Variants in CDH18 observed in about 807,000 individuals in gnomAD.
CDH18 encodes cadherin 18.
A neutral mutation model predicts 67.9 loss-of-function variants in CDH18; 31 were observed. The ratio of observed to expected loss-of-function variants is 0.46; its 90% CI spans 0.34 to 0.62. The LOEUF is 0.62. Ranked by LOEUF, CDH18 falls within the 20% of genes least tolerant of loss-of-function variation. The pLI is 0.01. For synonymous variants in CDH18, 362 were observed against 347.2 expected (o/e 1.04, Z -0.48); for missense variants, 890 against 975.5 (o/e 0.91, Z 1.17).
Position 19,473,567 on chromosome 5 carries a change from T to A in CDH18, c.2032A>T (p.Asn678Tyr), listed in dbSNP as rs767879940. 1.9e-6 allele frequency: 3 copies of A among 1,613,740 alleles called. No individual in the cohort carries two copies. In the African/African-American group the frequency reaches 4.0e-5, roughly 22 times the overall value. ...TEAFDITALR[N>Y]PSAAEELKYR... ...TTGAGCTCCTCAGCAGCAGAAGGAT[T>A]CCTCAAGGCTGTGATGTCAAAGGCC... The change falls in exon 13 of 13, where the codon AAT (asparagine) becomes TAT (tyrosine). Residue 678 changes from asparagine (N) to tyrosine (Y), a missense_variant. This residue lies in a region of CDH18 where 656 missense variants were observed against 668.1 expected (regional missense o/e 0.98). Coordinates refer to ENST00000382275, the MANE Select transcript of CDH18 (RefSeq NM_004934.5).
chr5:20,150,727 T>G (rs138147638), intron 2 of CDH18, among the ~76,000 whole-genome samples: 1 of 152,042 alleles, frequency 6.6e-6, no homozygotes, highest in Non-Finnish European at 1.5e-5. Flanking sequence ...CTACCATAGA[T>G]AGATCCATTA....
At chr5:19,479,159 C>G (rs1416531741) in intron 12 of CDH18, among the ~76,000 whole-genome samples, 1 of 152,034 alleles carries the variant, frequency 6.6e-6, no homozygotes, top group African/African-American at 2.4e-5. Context: ...GAAATAGAAA[C>G]AAGAAAAACT....
At chr5:19,921,514 T>G (rs1342883141) in intron 2 of CDH18, among the ~76,000 whole-genome samples, 8 of 138,980 alleles carry the variant, frequency 5.8e-5, no homozygotes, top group African/African-American at 8.5e-5. Context: ...CTGGGCAACA[T>G]AGCGAGACTC....
At chr5:20,126,661 T>C (rs896801882) in intron 2 of CDH18, among the ~76,000 whole-genome samples, 4 of 152,170 alleles carry the variant, frequency 2.6e-5, no homozygotes, top group African/African-American at 9.7e-5. Flanking sequence ...AGGACTCAAA[T>C]AGACATTTCT....
At chr5:20,367,647 T>A (rs1742636017) in intron 1 of CDH18, among the ~76,000 whole-genome samples, 1 of 152,194 alleles carries the variant, frequency 6.6e-6, no homozygotes, top group African/African-American at 2.4e-5. Flanking sequence ...AATGTTCCTA[T>A]GAAGAAATAT....
chr5:20,319,244 G>GCT (rs1737764493), intron 1 of CDH18, among the ~76,000 whole-genome samples: 1 of 152,166 alleles, frequency 6.6e-6, no homozygotes, highest in Middle Eastern at 3.2e-3. Context: ...GGCACTTGAA[G>GCT]CTCTCCCTGT....
intron 5 of CDH18, among the ~76,000 whole-genome samples, chr5:19,645,450 G>A (rs2150241700): frequency 6.6e-6 from 1 of 152,264 alleles, no homozygotes; most frequent in East Asian, 1.9e-4. Context: ...GAGCAGAGAG[G>A]TAGAGAGGGC....
chr5:20,075,363 C>T (rs1304833704), intron 2 of CDH18, among the ~76,000 whole-genome samples: 1 of 152,032 alleles, frequency 6.6e-6, no homozygotes, highest in Non-Finnish European at 1.5e-5. Flanking sequence ...ATAAGCTGGG[C>T]ATTATGCTGT....
intron 1 of CDH18, among the ~76,000 whole-genome samples, chr5:20,276,637 G>T (rs780676836): frequency 6.6e-6 from 1 of 152,176 alleles, no homozygotes; most frequent in Non-Finnish European, 1.5e-5. Flanking sequence ...AAAAGGAGAG[G>T]AAAGAGTAAA....
At chr5:19,583,838 T>C (rs1025430427) in intron 7 of CDH18, among the ~76,000 whole-genome samples, 5 of 152,194 alleles carry the variant, frequency 3.3e-5, no homozygotes, top group Non-Finnish European at 7.4e-5. Flanking sequence ...TCAAGATTTA[T>C]ATTTCATTTT....
chr5:19,850,338 T>C (rs1226360562), intron 2 of CDH18, among the ~76,000 whole-genome samples: 1 of 151,930 alleles, frequency 6.6e-6, no homozygotes, highest in African/African-American at 2.4e-5. Context: ...TTAAAACTAG[T>C]ATACAATCTT....
At chr5:19,960,644 T>C (rs1239879247) in intron 2 of CDH18, among the ~76,000 whole-genome samples, 1 of 119,808 alleles carries the variant, frequency 8.3e-6, no homozygotes, top group Non-Finnish European at 1.5e-5. Context: ...TGTATACATA[T>C]ACACGTGTAT....
At chr5:20,017,682 T>A (rs892495588) in intron 2 of CDH18, among the ~76,000 whole-genome samples, 3 of 152,190 alleles carry the variant, frequency 2.0e-5, no homozygotes, top group African/African-American at 7.2e-5. Flanking sequence ...AGAAAGTTAT[T>A]AAGCAAAATC....
At chr5:19,785,030 C>T (rs891234906) in intron 3 of CDH18, among the ~76,000 whole-genome samples, 1 of 152,154 alleles carries the variant, frequency 6.6e-6, no homozygotes, top group African/African-American at 2.4e-5. Flanking sequence ...AGATGTCATG[C>T]CTTTCTTCTT....
chr5:20,109,070 G>T (rs1282771488), intron 2 of CDH18, among the ~76,000 whole-genome samples: 1 of 152,162 alleles, frequency 6.6e-6, no homozygotes, highest in Non-Finnish European at 1.5e-5. Context: ...AAGAAGCTTT[G>T]CTGTGCTTAA....
At chr5:20,300,632 C>G (rs755594053) in intron 1 of CDH18, among the ~76,000 whole-genome samples, 2 of 152,068 alleles carry the variant, frequency 1.3e-5, no homozygotes, top group Non-Finnish European at 2.9e-5. Context: ...AATATGAAAT[C>G]TCCTCAGGCT....
At position 19,747,313 on chromosome 5, in the gene CDH18, C is replaced by T; in HGVS notation, c.229-77G>A. 4.2e-6 allele frequency: 5 copies of T among 1,188,244 alleles called. No individual in the cohort carries two copies. In the South Asian group the frequency reaches 5.8e-5, roughly 14 times the overall value. The allele number at this position is 1,188,244 out of a possible 1,614,324, so 73.6% of individuals were successfully genotyped here. A position where few individuals can be genotyped will look rare whatever the true frequency, so the allele number is the denominator to read the frequency against. On this transcript the variant is annotated intron_variant, in intron 3 of 12. Coordinates refer to ENST00000382275, the MANE Select transcript of CDH18 (RefSeq NM_004934.5). ...ATTATGTTCTCTGAAAACTCCCTAT[C>T]TATAATTACTTTGGCTATGACTTTT... is the stretch of plus-strand genomic sequence containing the variant.
intron 2 of CDH18, among the ~76,000 whole-genome samples, chr5:20,234,726 TA>T (rs1053812115): frequency 7.3e-5 from 11 of 151,624 alleles, no homozygotes; most frequent in South Asian, 4.2e-4. Flanking sequence ...AAAACAGAAT[TA>T]AAAAAAAATT....
At chr5:20,391,727 T>C (rs1432130737) in intron 1 of CDH18, among the ~76,000 whole-genome samples, 1 of 151,956 alleles carries the variant, frequency 6.6e-6, no homozygotes, top group African/African-American at 2.4e-5. Context: ...CTGACATTGA[T>C]GTGTAAAACC....
Sources: gnomAD v4.1 joint callset for allele counts (sites outside exome capture counted in the v4.1 genomes callset) on GRCh38, gnomAD v4.1.1 for gene constraint, gnomAD v4.1.1 regional missense constraint, MANE v1.5 for transcripts, NCBI Gene and HGNC (gene_info 2026-07-23, HGNC 2026-07-21) for gene names.